LARGE1: variants seen among roughly 807,000 people sequenced by gnomAD.
LARGE1 encodes xylosyl- and glucuronyltransferase LARGE1.
Under a neutral mutation model 87.6 loss-of-function variants are expected in LARGE1, and 43 were observed. The observed-to-expected ratio is 0.49, with a 90% CI of 0.38 to 0.63. LARGE1 has a LOEUF of 0.63. Ranked by LOEUF, LARGE1 falls within the 30% of genes least tolerant of loss-of-function variation. The pLI is 0.00. For synonymous variants in LARGE1, 434 were observed against 394.6 expected (o/e 1.10, Z -1.18); for missense variants, 802 against 1,000.2 (o/e 0.80, Z 2.67).
chr22:33,119,617 T>C, the LARGE1 span, among the ~76,000 whole-genome samples: 1,172 of 152,332 alleles, frequency 7.7e-3, 5 homozygotes, highest in Non-Finnish European at 0.012. Flanking sequence ...AGAAGCCAAT[T>C]TGAATAGATT....
rs1002045267 is a variant in LARGE1 at position 33,581,905 on chromosome 22, T to C, written c.616-16886A>G. On this transcript the variant is annotated intron_variant, in intron 5 of 14. Coordinates refer to ENST00000397394, the MANE Select transcript of LARGE1 (RefSeq NM_133642.5). ...ACATCACCATGGGGTCACCAAGTGATAGATACATCTTAAAGCTTCACATGG... is the reference window on the plus strand; with the variant it reads ...ACATCACCATGGGGTCACCAAGTGACAGATACATCTTAAAGCTTCACATGG... Among the ~76,000 whole-genome samples, 21 of 151,830 alleles carry C rather than the reference T, an allele frequency of 1.4e-4. No homozygotes were observed. In the East Asian group the frequency reaches 4.1e-3, roughly 29 times the overall value.
chr22:33,600,859 G>A (rs528624769), intron 5 of LARGE1, among the ~76,000 whole-genome samples: 5 of 152,146 alleles, frequency 3.3e-5, no homozygotes, highest in African/African-American at 7.2e-5. Flanking sequence ...GAGGTCAGGC[G>A]TTCGAGACCA....
chr22:33,469,839 AC>A (rs1484540921), intron 6 of LARGE1, among the ~76,000 whole-genome samples: 3 of 147,480 alleles, frequency 2.0e-5, no homozygotes, highest in Non-Finnish European at 4.4e-5. Context: ...AAAACAAAAA[AC>A]AAAAAACAAA....
intron 2 of LARGE1, among the ~76,000 whole-genome samples, chr22:33,720,865 A>C (rs1373310062): frequency 6.6e-6 from 1 of 152,192 alleles, no homozygotes; most frequent in Non-Finnish European, 1.5e-5. Flanking sequence ...AGAAAAGATA[A>C]GGCTTCTGAG....
intron 2 of LARGE1, among the ~76,000 whole-genome samples, chr22:33,685,499 A>T (rs2081917814): frequency 6.6e-6 from 1 of 152,226 alleles, no homozygotes; most frequent in Non-Finnish European, 1.5e-5. Context: ...TACAAGAATA[A>T]TGGCATCTGA....
At chr22:33,372,036 A>T (rs181986397) in intron 9 of LARGE1, among the ~76,000 whole-genome samples, 8 of 152,154 alleles carry the variant, frequency 5.3e-5, no homozygotes, top group Admixed American at 5.2e-4. Context: ...TGGAATGTGG[A>T]ATAAATGTTT....
chr22:33,182,372 T>C (rs1220957015), intron 11 of LARGE1, among the ~76,000 whole-genome samples: 2 of 152,334 alleles, frequency 1.3e-5, no homozygotes, highest in African/African-American at 4.8e-5. Context: ...TGTTTCTGTT[T>C]GTTTTCTCCC....
At chr22:33,519,235 CGTGT>C (rs3071590) in intron 6 of LARGE1, among the ~76,000 whole-genome samples, 9 of 149,542 alleles carry the variant, frequency 6.0e-5, no homozygotes, top group Non-Finnish European at 1.0e-4. Flanking sequence ...CGTGCGCGCG[CGTGT>C]GTGTGTGTGT....
At chr22:33,256,703 A>G (rs1168774290) in intron 11 of LARGE1, among the ~76,000 whole-genome samples, 1 of 152,222 alleles carries the variant, frequency 6.6e-6, no homozygotes, top group Non-Finnish European at 1.5e-5. Flanking sequence ...AGGATGTTAC[A>G]CATGCATTTT....
chr22:33,808,306 G>T (rs1431536642), intron 1 of LARGE1, among the ~76,000 whole-genome samples: 1 of 152,142 alleles, frequency 6.6e-6, no homozygotes, highest in Non-Finnish European at 1.5e-5. Context: ...ATTTTCTTTG[G>T]GGAGGTATCT....
chr22:33,231,184 C>G (rs1011557673), intron 11 of LARGE1, among the ~76,000 whole-genome samples: 9 of 152,204 alleles, frequency 5.9e-5, no homozygotes, highest in Non-Finnish European at 1.2e-4. Flanking sequence ...AATTATACCA[C>G]AAGACTGTAC....
chr22:33,072,361 AT>A, the LARGE1 span, among the ~76,000 whole-genome samples: 1 of 152,094 alleles, frequency 6.6e-6, no homozygotes, highest in Non-Finnish European at 1.5e-5. Flanking sequence ...ACTTTTCTTC[AT>A]TTTGTCCTGG....
intron 6 of LARGE1, among the ~76,000 whole-genome samples, chr22:33,446,257 C>T (rs7291772): frequency 0.087 from 13,321 of 152,240 alleles, 1,033 homozygotes; most frequent in African/African-American, 0.21. Context: ...GCCCCCATAG[C>T]TCACATCTCT....
chr22:33,132,179 CT>C, the LARGE1 span, among the ~76,000 whole-genome samples: 3 of 151,972 alleles, frequency 2.0e-5, no homozygotes. Flanking sequence ...TGTGTATTTA[CT>C]TATTTATTTA....
chr22:33,567,423 T>C (rs996807820), intron 5 of LARGE1, among the ~76,000 whole-genome samples: 1 of 152,162 alleles, frequency 6.6e-6, no homozygotes, highest in Non-Finnish European at 1.5e-5. Flanking sequence ...GTGCCTCTTT[T>C]GGTGCTTCCA....
chr22:33,173,081 A>C (rs939773900), intron 11 of LARGE1, among the ~76,000 whole-genome samples: 7 of 152,214 alleles, frequency 4.6e-5, no homozygotes, highest in African/African-American at 1.7e-4. Context: ...GTTGGAATGA[A>C]GGAAAAAATG....
At chr22:33,257,452 CAAAAACAAAAA>C in intron 11 of LARGE1, among the ~76,000 whole-genome samples, 1 of 127,628 alleles carries the variant, frequency 7.8e-6, no homozygotes, top group Non-Finnish European at 1.6e-5. Context: ...AAAACAAAAA[CAAAAACAAAAA>C]AACAAAAAAA....
chr22:33,345,119 A>G (rs923192327), intron 9 of LARGE1, among the ~76,000 whole-genome samples: 26 of 152,222 alleles, frequency 1.7e-4, no homozygotes, highest in Admixed American at 6.5e-5. Flanking sequence ...AACATGTATC[A>G]GACACTTACT....
intron 1 of LARGE1, among the ~76,000 whole-genome samples, chr22:33,894,046 T>G (rs1019763472): frequency 6.6e-6 from 1 of 151,994 alleles, no homozygotes; most frequent in Non-Finnish European, 1.5e-5. Context: ...CTGGATGCTC[T>G]AAGTCTAAGG....
Sources: allele counts gnomAD v4.1 joint callset (sites outside exome capture counted in the v4.1 genomes callset), GRCh38; gene constraint gnomAD v4.1.1; transcripts MANE v1.5; gene names NCBI Gene and HGNC (gene_info 2026-07-23, HGNC 2026-07-21).